Variants in EPHA6 observed in about 807,000 individuals in gnomAD.
The protein encoded by EPHA6 is ephrin type-A receptor 6.
A neutral mutation model predicts 112.0 loss-of-function variants in EPHA6; 50 were observed. The observed-to-expected ratio is 0.45, with a 90% confidence interval of 0.36 to 0.56. The LOEUF (loss-of-function observed/expected upper bound fraction) is 0.56. Ranked by LOEUF, EPHA6 falls within the 20% of genes least tolerant of loss-of-function variation. EPHA6 has a pLI of 0.00. For missense variants in EPHA6, 1,280 were observed against 1,417.4 expected (o/e 0.90, Z 1.56); for synonymous variants, 529 against 490.7 (o/e 1.08, Z -1.03).
chr3:97,237,002 A>C (rs959333624), intron 4 of EPHA6, among the ~76,000 whole-genome samples: 1 of 151,576 alleles, frequency 6.6e-6, no homozygotes, highest in East Asian at 1.9e-4. Context: ...TCTTTTTCTT[A>C]AATGTAAGTT....
At chr3:97,550,192 C>A (rs2093010503) in intron 11 of EPHA6, among the ~76,000 whole-genome samples, 1 of 152,094 alleles carries the variant, frequency 6.6e-6, no homozygotes, top group African/African-American at 2.4e-5. Flanking sequence ...GGCTAAAAAT[C>A]AAAACATTTT....
intron 5 of EPHA6, among the ~76,000 whole-genome samples, chr3:97,286,596 T>C (rs1012090031): frequency 1.3e-5 from 2 of 152,162 alleles, no homozygotes; most frequent in African/African-American, 4.8e-5. Context: ...TTGGTCTATG[T>C]GTTTGTCCTT....
At chr3:96,993,167 G>T (rs1012197954) in intron 3 of EPHA6, among the ~76,000 whole-genome samples, 1 of 152,076 alleles carries the variant, frequency 6.6e-6, no homozygotes, top group Admixed American at 6.6e-5. Context: ...TATGAATCAG[G>T]ACACTAAATT....
intron 5 of EPHA6, among the ~76,000 whole-genome samples, chr3:97,276,310 G>A (rs1398031594): frequency 6.6e-6 from 1 of 152,140 alleles, no homozygotes; most frequent in Non-Finnish European, 1.5e-5. Flanking sequence ...AGTTCCAGGG[G>A]CTCTGGGAGT....
intron 3 of EPHA6, among the ~76,000 whole-genome samples, chr3:97,104,223 C>T (rs115915651): frequency 1.3e-5 from 2 of 152,068 alleles, no homozygotes; most frequent in Non-Finnish European, 2.9e-5. Context: ...CTGTCTTACG[C>T]CCTTTTCAAA....
chr3:97,069,778 C>A (rs917264957), intron 3 of EPHA6, among the ~76,000 whole-genome samples: 2 of 152,132 alleles, frequency 1.3e-5, no homozygotes, highest in South Asian at 4.2e-4. Context: ...CTCATTCTTA[C>A]AGTTTGAACA....
chr3:97,210,228 A>G (rs778714597), intron 3 of EPHA6, among the ~76,000 whole-genome samples: 1 of 152,094 alleles, frequency 6.6e-6, no homozygotes, highest in Non-Finnish European at 1.5e-5. Flanking sequence ...TGTTTAATTG[A>G]CTCCCAGTCT....
intron 5 of EPHA6, among the ~76,000 whole-genome samples, chr3:97,370,349 A>T (rs963696737): frequency 7.9e-5 from 12 of 152,324 alleles, no homozygotes; most frequent in African/African-American, 2.9e-4. Context: ...ATAAATAAGG[A>T]AAGTCCTTGA....
intron 5 of EPHA6, among the ~76,000 whole-genome samples, chr3:97,309,837 C>G (rs1268885031): frequency 1.3e-5 from 2 of 151,490 alleles, no homozygotes; most frequent in African/African-American, 4.8e-5. Context: ...TAGTAACCAC[C>G]TTTGTAATTT....
intron 2 of EPHA6, among the ~76,000 whole-genome samples, chr3:96,968,778 C>T (rs966337560): frequency 2.0e-5 from 3 of 151,718 alleles, no homozygotes; most frequent in Admixed American, 1.3e-4. Context: ...GTTTGCTAAG[C>T]GAATGACTAT....
chr3:96,943,831 A>G (rs2041109783), intron 2 of EPHA6, among the ~76,000 whole-genome samples: 1 of 152,212 alleles, frequency 6.6e-6, no homozygotes, highest in Non-Finnish European at 1.5e-5. Flanking sequence ...ATGCTGAAAA[A>G]TAAATTGAAA....
chr3:97,025,270 C>G (rs2044598086), intron 3 of EPHA6, among the ~76,000 whole-genome samples: 1 of 151,832 alleles, frequency 6.6e-6, no homozygotes, highest in Non-Finnish European at 1.5e-5. Flanking sequence ...TAATTTAAAA[C>G]TATTAGGGAA....
intron 14 of EPHA6, among the ~76,000 whole-genome samples, chr3:97,672,329 T>G (rs925353584): frequency 6.6e-6 from 1 of 151,196 alleles, no homozygotes; most frequent in Non-Finnish European, 1.5e-5. Flanking sequence ...CTTATCTTTC[T>G]TTTGTCTTCT....
intron 3 of EPHA6, among the ~76,000 whole-genome samples, chr3:97,091,075 T>C (rs1455967332): frequency 6.6e-6 from 1 of 152,140 alleles, no homozygotes; most frequent in Admixed American, 6.6e-5. Context: ...GTAGTTAAGA[T>C]ATTACTCTTC....
rs1009728065 is a variant in EPHA6 at position 96,887,303 on chromosome 3, C to T, written c.450+20414C>T. On this transcript the variant is annotated intron_variant, in intron 2 of 17. Transcript: ENST00000389672. ...GTGTTCCCTTGATGTAGTGCTCTCC[C>T]CCTTTTCTATGGATGTGGTTTCCTG... 2.0e-5 allele frequency among the ~76,000 whole-genome samples: 3 copies of T among 152,138 alleles called. No homozygotes were observed. In the East Asian group the frequency reaches 5.8e-4, roughly 29 times the overall value.
chr3:97,021,532 G>A (rs1292555106), intron 3 of EPHA6, among the ~76,000 whole-genome samples: 1 of 152,190 alleles, frequency 6.6e-6, no homozygotes, highest in African/African-American at 2.4e-5. Context: ...CTAGCAGAAT[G>A]CCACAAATTT....
chr3:97,257,696 T>C (rs1253447278), intron 5 of EPHA6, among the ~76,000 whole-genome samples: 2 of 151,974 alleles, frequency 1.3e-5, no homozygotes, highest in East Asian at 3.8e-4. Context: ...AAAGATAATA[T>C]GGGTAGAAAA....
chr3:97,740,060 G>T (rs1198394474), intron 16 of EPHA6, among the ~76,000 whole-genome samples: 1 of 151,934 alleles, frequency 6.6e-6, no homozygotes, highest in African/African-American at 2.4e-5. Flanking sequence ...CTAACCCTCA[G>T]GACTAGCCTT....
At chr3:96,823,680 G>C (rs1327606932) in intron 1 of EPHA6, among the ~76,000 whole-genome samples, 1 of 151,728 alleles carries the variant, frequency 6.6e-6, no homozygotes, top group Non-Finnish European at 1.5e-5. Flanking sequence ...TGAAATCTAT[G>C]TATTGGTCCA....
Sources: allele counts gnomAD v4.1 joint callset (sites outside exome capture counted in the v4.1 genomes callset), GRCh38; gene constraint gnomAD v4.1.1; transcripts MANE v1.5; gene names NCBI Gene and HGNC (gene_info 2026-07-23, HGNC 2026-07-21).